Variants in SLC39A10 observed in about 807,000 individuals in gnomAD.
The protein encoded by SLC39A10 is zinc transporter ZIP10.
In SLC39A10, 13 loss-of-function variants were observed where a neutral mutation model predicts 65.1. The ratio of observed to expected loss-of-function variants is 0.20; its 90% CI spans 0.13 to 0.32. SLC39A10 has a LOEUF of 0.32. Ranked by LOEUF, SLC39A10 falls within the 10% of genes least tolerant of loss-of-function variation. The pLI is 1.00. For missense variants in SLC39A10, 831 were observed against 1,018.4 expected (o/e 0.82, Z 2.50); for synonymous variants, 321 against 342.2 (o/e 0.94, Z 0.68).
In SLC39A10 at chr2:195,734,993, G is replaced by T. The variant is rs1165562631; in HGVS notation, c.2448G>T (p.Leu816=). 2 of 1,613,614 alleles carry T rather than the reference G, an allele frequency of 1.2e-6. No individual in the cohort carries two copies. The highest frequency in any genetic ancestry group is 2.7e-5 in the African/African-American group (2 of 74,998). The change falls in exon 10 of 10, where the codon CTG becomes CTT. Residue 816 remains leucine (L), a synonymous_variant. Coordinates refer to ENST00000359634, the MANE Select transcript of SLC39A10 (RefSeq NM_020342.3). ...TGCTCTTTGGATTTGCCATTATGCT[G>T]GTGATTGCCCTCTATGAAGATAAAA... ...LGLLFGFAIM[L]VIALYEDKIV... is the part of the protein sequence containing the mutation.
chr2:195,708,697 GCATGGACATTCT>G lies in SLC39A10; in HGVS notation c.1438_1449del (p.Ser480_His483del), dbSNP rs1691495138. The G allele has an allele frequency of 1.6e-5, 25 of 1,612,322 alleles. No homozygotes were observed. In the Admixed American group the frequency reaches 4.0e-4, roughly 26 times the overall value. ...ATCACAGTCACCAACATGCACATGG[GCATGGACATTCT>G]CATGGACATGAATCTAACAAGTTTT... On this transcript the variant is annotated inframe_deletion, in exon 5 of 10. Coordinates refer to ENST00000359634, the MANE Select transcript of SLC39A10 (RefSeq NM_020342.3).
intron 9 of SLC39A10, among the ~76,000 whole-genome samples, chr2:195,729,135 C>T (rs1692345093): frequency 1.3e-5 from 2 of 151,704 alleles, no homozygotes; most frequent in South Asian, 4.2e-4. Context: ...CCACAGCCAG[C>T]AAAAATATTT....
chr2:195,656,212 G>A (rs920736287), upstream of SLC39A10, among the ~76,000 whole-genome samples: 1 of 152,208 alleles, frequency 6.6e-6, no homozygotes, highest in Non-Finnish European at 1.5e-5. Flanking sequence ...CAGGCGGAAT[G>A]CAGATACGCC....
At chr2:195,727,013 T>C (rs1692264933) in intron 8 of SLC39A10, among the ~76,000 whole-genome samples, 1 of 152,196 alleles carries the variant, frequency 6.6e-6, no homozygotes, top group African/African-American at 2.4e-5. Flanking sequence ...TTCGACCCAT[T>C]AGCTTCAATA....
At chr2:195,685,465 T>C (rs749599176) in intron 3 of SLC39A10, among the ~76,000 whole-genome samples, 1 of 152,164 alleles carries the variant, frequency 6.6e-6, no homozygotes, top group Non-Finnish European at 1.5e-5. Context: ...CTTTCCGTAA[T>C]ATGATCCTCC....
At chr2:195,621,465 G>C (rs1285639344) in intron 2 of SLC39A10, among the ~76,000 whole-genome samples, 1 of 152,144 alleles carries the variant, frequency 6.6e-6, no homozygotes, top group Non-Finnish European at 1.5e-5. Flanking sequence ...TTGTTTTCTT[G>C]GTACTGAATT....
At chr2:195,685,717 A>G (rs774907774) in intron 3 of SLC39A10, among the ~76,000 whole-genome samples, 8 of 152,142 alleles carry the variant, frequency 5.3e-5, no homozygotes, top group Non-Finnish European at 8.8e-5. Context: ...CTTCCTTGAC[A>G]TCTCTAGATG....
In SLC39A10 at chr2:195,735,176, AC is replaced by A. The variant is rs1267891256; in HGVS notation, c.*137del. On this transcript the variant is annotated 3_prime_UTR_variant, in exon 10 of 10. Transcript: ENST00000359634. ...TACAAGTTTCATAGATTTGAGCCTA[AC>A]CACAAGAGGCTGGTGCTTAGTACTG... 1.1e-6 allele frequency: 1 copy of A among 870,706 alleles called. No individual in the cohort carries two copies. Among genetic ancestry groups the A allele is most frequent in the Non-Finnish European group, 1.7e-6 (1 of 593,716 alleles). The allele number at this position is 870,706 out of a possible 1,614,324, so 53.9% of individuals were successfully genotyped here. A position where few individuals can be genotyped will look rare whatever the true frequency, so the allele number is the denominator to read the frequency against.
intron 3 of SLC39A10, 115 bp downstream of exon 3, chr2:195,684,021 T>A: frequency 1.3e-6 from 1 of 766,162 alleles, no homozygotes; most frequent in Non-Finnish European, 2.0e-6. Context: ...TGTCAGACTT[T>A]AAATATATTT....
intron 2 of SLC39A10, among the ~76,000 whole-genome samples, chr2:195,620,214 G>A (rs1228052476): frequency 1.3e-5 from 2 of 152,122 alleles, no homozygotes; most frequent in African/African-American, 4.8e-5. Flanking sequence ...ATAAGCCACC[G>A]TGCCCAGCCT....
At chr2:195,662,526 G>A (rs1428870531) in intron 1 of SLC39A10, among the ~76,000 whole-genome samples, 5 of 151,904 alleles carry the variant, frequency 3.3e-5, no homozygotes, top group Admixed American at 6.6e-5. Flanking sequence ...TACCTGCCTT[G>A]GCCTCTTGAA....
At chr2:195,660,065 GCA>G (rs1479322726) in intron 1 of SLC39A10, among the ~76,000 whole-genome samples, 5 of 151,534 alleles carry the variant, frequency 3.3e-5, no homozygotes, top group East Asian at 4.2e-4. Flanking sequence ...GGTACATACT[GCA>G]CAGTTTTTTT....
At chr2:195,652,357 G>C (rs949902647), upstream of SLC39A10, among the ~76,000 whole-genome samples, 1 of 151,930 alleles carries the variant, frequency 6.6e-6, no homozygotes, top group Non-Finnish European at 1.5e-5. Context: ...AAAACAGCCT[G>C]GCCAACATGG....
At chr2:195,617,665 G>A (rs1688246040) in intron 2 of SLC39A10, among the ~76,000 whole-genome samples, 1 of 151,694 alleles carries the variant, frequency 6.6e-6, no homozygotes, top group Admixed American at 6.6e-5. Context: ...GAGCTCAGGA[G>A]TTCAAGACCA....
intron 9 of SLC39A10, among the ~76,000 whole-genome samples, chr2:195,729,970 T>TTTTC (rs1692382449): frequency 7.3e-6 from 1 of 136,342 alleles, no homozygotes; most frequent in South Asian, 2.5e-4. Flanking sequence ...AATTTTTTTT[T>TTTTC]TTTTTTTTTT....
chr2:195,695,256 C>A lies in SLC39A10; in HGVS notation c.1216+11350C>A, dbSNP rs10208083. Among the ~76,000 whole-genome samples, 219 of 152,300 alleles carry A rather than the reference C, an allele frequency of 1.4e-3. 3 individuals carry two copies. The highest frequency in any genetic ancestry group is 5.1e-3 in the African/African-American group (214 of 41,558). On this transcript the variant is annotated intron_variant, in intron 3 of 9. Coordinates refer to ENST00000359634, the MANE Select transcript of SLC39A10 (RefSeq NM_020342.3). Reference sequence around the variant, plus strand: ...ATAGGCATGGCTGAGCTCAGACTCTCCTTGGGTGGGGCTTCCTGTGGCCGC... The same window carrying A: ...ATAGGCATGGCTGAGCTCAGACTCTACTTGGGTGGGGCTTCCTGTGGCCGC...
Position 195,737,665 on chromosome 2 carries a change from A to G in SLC39A10, c.*2624A>G. On this transcript the variant is annotated 3_prime_UTR_variant, in exon 10 of 10. Transcript: ENST00000359634. ...TTATGTATGTTCCTAATGCTTATGG[A>G]ACTCCTCCAAAATAAAGTTACTCAA... The G allele has an allele frequency of 2.9e-6, 1 of 350,078 alleles. No homozygotes were observed. The highest frequency in any genetic ancestry group is 4.0e-5 in the South Asian group (1 of 24,912). 21.7% of individuals were successfully genotyped at this position (350,078 alleles called of 1,614,324 possible). A position where few individuals can be genotyped will look rare whatever the true frequency, so the allele number is the denominator to read the frequency against.
rs1022529680 is a variant in SLC39A10, at chr2:195,735,148, A to G, written c.*107A>G. 6.7e-6 allele frequency: 8 copies of G among 1,197,814 alleles called. No individual in the cohort carries two copies. The African/African-American group carries it at 7.9e-5, about 12-fold the overall frequency. 74.2% of individuals were successfully genotyped at this position (1,197,814 alleles called of 1,614,324 possible). On this transcript the variant is annotated 3_prime_UTR_variant, in exon 10 of 10. Coordinates refer to ENST00000359634, the MANE Select transcript of SLC39A10 (RefSeq NM_020342.3). ...CAAAGGAAAGTCAGTGGCTTGCACTACTTACAAGTTTCATAGATTTGAGCC... is the reference window on the plus strand; with the variant it reads ...CAAAGGAAAGTCAGTGGCTTGCACTGCTTACAAGTTTCATAGATTTGAGCC...
rs76228972 is a variant in SLC39A10 at position 195,679,843 on chromosome 2, T to G, written c.-11-189T>G. Among the ~76,000 whole-genome samples, 145 of 152,344 alleles carry G rather than the reference T, an allele frequency of 9.5e-4. 3 individuals are homozygous for G. The East Asian group carries it at 0.023, about 24-fold the overall frequency. On this transcript the variant is annotated intron_variant, in intron 1 of 9. Coordinates refer to ENST00000359634, the MANE Select transcript of SLC39A10 (RefSeq NM_020342.3). ...TTATTCTTAAAGATTCTTTAAGGCA[T>G]GCTGCATAATTAATTCTACCATTTG...
Sources: allele counts gnomAD v4.1 joint callset (sites outside exome capture counted in the v4.1 genomes callset), GRCh38; gene constraint gnomAD v4.1.1; transcripts MANE v1.5; gene names NCBI Gene and HGNC (gene_info 2026-07-23, HGNC 2026-07-21).